The following SLC24A2 variants were observed in gnomAD, a reference collection of about 807,000 sequenced individuals.
SLC24A2 encodes solute carrier family 24 member 2, also known as sodium/potassium/calcium exchanger 2.
A neutral mutation model predicts 62.0 loss-of-function variants in SLC24A2; 36 were observed. The observed-to-expected ratio is 0.58, with a 90% CI of 0.44 to 0.77. SLC24A2 has a LOEUF of 0.77. Among genes scored for constraint, SLC24A2 ranks in the 30% least tolerant of loss-of-function variants. The probability of loss-of-function intolerance (pLI) is 0.00; values close to 1 mark genes in which losing one functional copy is unlikely to be tolerated. For synonymous variants in SLC24A2, 358 were observed against 294.0 expected, an observed-to-expected ratio of 1.22 and a Z score of -2.23; for missense variants, 846 against 817.9, an observed-to-expected ratio of 1.03 and a Z score of -0.42.
intron 2 of SLC24A2, among the ~76,000 whole-genome samples, chr9:19,749,131 C>T (rs760026215): frequency 6.7e-6 from 1 of 149,766 alleles, no homozygotes; most frequent in Non-Finnish European, 1.5e-5. Flanking sequence ...TTTTTGCTCT[C>T]AGCTCAGGTT....
the SLC24A2 span, among the ~76,000 whole-genome samples, chr9:20,135,569 C>T: frequency 1.3e-5 from 2 of 152,016 alleles, no homozygotes; most frequent in Non-Finnish European, 2.9e-5. Flanking sequence ...ACTGCGATAA[C>T]ATACGTAGAG....
At chr9:20,005,220 C>G in the SLC24A2 span, among the ~76,000 whole-genome samples, 2 of 152,072 alleles carry the variant, frequency 1.3e-5, no homozygotes, top group Non-Finnish European at 1.5e-5. Context: ...ATCACAAAGT[C>G]AAGCAAATTG....
At chr9:19,975,900 T>TTTTGTTTGTTTG in the SLC24A2 span, among the ~76,000 whole-genome samples, 70,146 of 150,828 alleles carry the variant, frequency 0.47, 17,045 homozygotes, top group Non-Finnish European at 0.54. Flanking sequence ...AAACATACGT[T>TTTTGTTTGTTTG]TTTGTTTGTT....
the SLC24A2 span, among the ~76,000 whole-genome samples, chr9:20,042,340 C>G: frequency 1.3e-5 from 2 of 152,200 alleles, no homozygotes. Flanking sequence ...CTGAGGAACT[C>G]TGGAATATCT....
intron 2 of SLC24A2, among the ~76,000 whole-genome samples, chr9:19,699,396 T>C (rs1483008686): frequency 6.6e-6 from 1 of 152,154 alleles, no homozygotes; most frequent in Non-Finnish European, 1.5e-5. Context: ...AAAAATTTTG[T>C]GTTTAGATAC....
the SLC24A2 span, among the ~76,000 whole-genome samples, chr9:19,891,358 A>G: frequency 6.6e-6 from 1 of 152,200 alleles, no homozygotes; most frequent in East Asian, 1.9e-4. Flanking sequence ...TCTCTAATAT[A>G]AAACAGATAT....
chr9:19,732,319 C>T (rs1025600535), intron 2 of SLC24A2, among the ~76,000 whole-genome samples: 8 of 152,114 alleles, frequency 5.3e-5, no homozygotes, highest in African/African-American at 1.9e-4. Context: ...GATTAGCTTT[C>T]AGAGAAAACT....
the SLC24A2 span, among the ~76,000 whole-genome samples, chr9:19,909,012 G>A: frequency 6.6e-6 from 1 of 152,218 alleles, no homozygotes; most frequent in South Asian, 2.1e-4. Flanking sequence ...AAATCATGCT[G>A]CTATAAAGAC....
At chr9:20,264,924 G>C in the SLC24A2 span, among the ~76,000 whole-genome samples, 1 of 152,142 alleles carries the variant, frequency 6.6e-6, no homozygotes, top group African/African-American at 2.4e-5. Flanking sequence ...GTCACTGTTG[G>C]ACTGTTGGAG....
At chr9:19,609,397 C>A (rs949168998) in intron 4 of SLC24A2, among the ~76,000 whole-genome samples, 3 of 152,214 alleles carry the variant, frequency 2.0e-5, no homozygotes, top group Non-Finnish European at 4.4e-5. Flanking sequence ...TCTGATCCAG[C>A]CTCTTCACCA....
chr9:20,150,610 A>AGGAATCTATAATAT, the SLC24A2 span, among the ~76,000 whole-genome samples: 8,369 of 151,908 alleles, frequency 0.055, 757 homozygotes, highest in African/African-American at 0.19. Context: ...AATCTAGCCT[A>AGGAATCTATAATAT]AAAATATAGT....
At chr9:19,943,647 A>C in the SLC24A2 span, among the ~76,000 whole-genome samples, 1 of 152,184 alleles carries the variant, frequency 6.6e-6, no homozygotes, top group Admixed American at 6.5e-5. Flanking sequence ...CTTTGCAGCT[A>C]ATGTTCTGCT....
At chr9:19,836,473 T>C in the SLC24A2 span, among the ~76,000 whole-genome samples, 3 of 151,794 alleles carry the variant, frequency 2.0e-5, no homozygotes, top group African/African-American at 7.3e-5. Context: ...AACTAGAAAA[T>C]CTAGAAGAAA....
At chr9:19,593,830 G>T (rs1218478890) in intron 5 of SLC24A2, among the ~76,000 whole-genome samples, 1 of 152,094 alleles carries the variant, frequency 6.6e-6, no homozygotes, top group African/African-American at 2.4e-5. Context: ...GAACAAATTA[G>T]TCTGCTTCTC....
chr9:19,865,947 C>T, the SLC24A2 span, among the ~76,000 whole-genome samples: 1 of 152,120 alleles, frequency 6.6e-6, no homozygotes, highest in East Asian at 1.9e-4. Context: ...GCAAACTAGC[C>T]ATCTGACAAG....
chr9:20,097,511 G>C, the SLC24A2 span, among the ~76,000 whole-genome samples: 1 of 151,962 alleles, frequency 6.6e-6, no homozygotes, highest in Non-Finnish European at 1.5e-5. Flanking sequence ...GTCACTTTGA[G>C]ATCTCTGGTG....
At chr9:19,723,798 TC>T (rs1366767179) in intron 2 of SLC24A2, among the ~76,000 whole-genome samples, 1 of 152,020 alleles carries the variant, frequency 6.6e-6, no homozygotes, top group African/African-American at 2.4e-5. Context: ...AATTTGCAAC[TC>T]AAAAAGTTTT....
At chr9:20,246,568 G>T in the SLC24A2 span, among the ~76,000 whole-genome samples, 870 of 152,300 alleles carry the variant, frequency 5.7e-3, 6 homozygotes, top group African/African-American at 0.02. Flanking sequence ...CATTTGTGTT[G>T]ATAGAATTTA....
chr9:19,880,889 G>A, the SLC24A2 span, among the ~76,000 whole-genome samples: 2 of 152,286 alleles, frequency 1.3e-5, no homozygotes, highest in South Asian at 4.2e-4. Context: ...TCAAGGAGGT[G>A]TGTTGTGTAG....
Sources: allele counts gnomAD v4.1 joint callset (sites outside exome capture counted in the v4.1 genomes callset), GRCh38; gene constraint gnomAD v4.1.1; transcripts MANE v1.5; gene names NCBI Gene and HGNC (gene_info 2026-07-23, HGNC 2026-07-21).